The following CACNA2D3 variants were observed in gnomAD, a reference collection of about 807,000 sequenced individuals.
The protein encoded by CACNA2D3 is voltage-dependent calcium channel subunit alpha-2/delta-3.
In CACNA2D3, 60 loss-of-function variants were observed where a neutral mutation model predicts 160.6. That is an observed-to-expected ratio of 0.37 (90% confidence interval 0.30 to 0.46). The LOEUF (loss-of-function observed/expected upper bound fraction) is 0.46, where lower values mean the gene tolerates loss of function less well. Ranked by LOEUF, CACNA2D3 falls within the 20% of genes least tolerant of loss-of-function variation. CACNA2D3 has a pLI of 1.00. For missense variants in CACNA2D3, 1,205 were observed against 1,365.0 expected (o/e 0.88, Z 1.85); for synonymous variants, 558 against 492.9 (o/e 1.13, Z -1.75).
chr3:54,227,717 G>A (rs1306531935), intron 2 of CACNA2D3, among the ~76,000 whole-genome samples: 4 of 152,106 alleles, frequency 2.6e-5, no homozygotes, highest in Admixed American at 6.5e-5. Context: ...ACTACACCTG[G>A]CTAATTTTTG....
chr3:54,994,120 A>T (rs926839810), intron 31 of CACNA2D3, among the ~76,000 whole-genome samples: 1 of 152,052 alleles, frequency 6.6e-6, no homozygotes, highest in Non-Finnish European at 1.5e-5. Flanking sequence ...AGCTTCTGCT[A>T]TTTAAATCAC....
intron 2 of CACNA2D3, among the ~76,000 whole-genome samples, chr3:54,290,798 C>G (rs910598319): frequency 2.0e-5 from 3 of 152,030 alleles, no homozygotes; most frequent in African/African-American, 7.3e-5. Flanking sequence ...TCTCAGCAAA[C>G]TATCGCAAGG....
At chr3:54,922,827 C>G (rs1475788070) in intron 27 of CACNA2D3, among the ~76,000 whole-genome samples, 4 of 152,184 alleles carry the variant, frequency 2.6e-5, no homozygotes, top group Admixed American at 1.3e-4. Context: ...TCACTCCCCC[C>G]AGTCCCCTCT....
intron 3 of CACNA2D3, among the ~76,000 whole-genome samples, chr3:54,361,462 C>T (rs766063538): frequency 4.1e-4 from 63 of 152,234 alleles, no homozygotes; most frequent in Non-Finnish European, 8.4e-4. Flanking sequence ...TGAGCATATC[C>T]ACTTTAGTTT....
intron 2 of CACNA2D3, among the ~76,000 whole-genome samples, chr3:54,294,742 G>GA (rs1249238156): frequency 2.6e-5 from 4 of 151,880 alleles, no homozygotes; most frequent in East Asian, 1.9e-4. Context: ...CTAGTTTAGG[G>GA]AAAAAAAATA....
At chr3:54,133,365 C>T (rs1261396872) in intron 2 of CACNA2D3, among the ~76,000 whole-genome samples, 3 of 152,182 alleles carry the variant, frequency 2.0e-5, no homozygotes, top group Non-Finnish European at 4.4e-5. Context: ...GTGGCAAAGG[C>T]AGACTCTGAG....
chr3:55,031,493 C>G (rs1031227490), intron 35 of CACNA2D3, among the ~76,000 whole-genome samples: 5 of 152,302 alleles, frequency 3.3e-5, no homozygotes, highest in African/African-American at 1.2e-4. Flanking sequence ...TACAAAGTTT[C>G]TAGACCCAAA....
intron 14 of CACNA2D3, among the ~76,000 whole-genome samples, chr3:54,821,693 T>TTCC (rs1559594966): frequency 0.05 from 1,800 of 36,030 alleles, 39 homozygotes; most frequent in East Asian, 0.11. Context: ...TCTTTCTTTC[T>TTCC]TTCTTTCCTT....
At chr3:55,007,672 T>C in intron 32 of CACNA2D3, 118 bp from the exon 33 acceptor site, 1 of 668,048 alleles carries the variant, frequency 1.5e-6, no homozygotes, top group Non-Finnish European at 2.5e-6. Context: ...GCCACTGTTT[T>C]TTAACATGAT....
chr3:54,313,431 C>T (rs754238444), intron 2 of CACNA2D3, among the ~76,000 whole-genome samples: 1 of 152,128 alleles, frequency 6.6e-6, no homozygotes, highest in Non-Finnish European at 1.5e-5. Flanking sequence ...TTCAAAAGTA[C>T]AGACCTGATC....
chr3:54,996,871 A>G (rs1465430978), intron 31 of CACNA2D3, among the ~76,000 whole-genome samples: 3 of 152,220 alleles, frequency 2.0e-5, no homozygotes, highest in Non-Finnish European at 4.4e-5. Context: ...TGTCCTTTGC[A>G]GGGACATGGA....
chr3:54,287,132 C>G (rs1181723102), intron 2 of CACNA2D3, among the ~76,000 whole-genome samples: 2 of 151,778 alleles, frequency 1.3e-5, no homozygotes, highest in Non-Finnish European at 2.9e-5. Flanking sequence ...CACAGACTGG[C>G]AAATTGGATA....
intron 17 of CACNA2D3, among the ~76,000 whole-genome samples, chr3:54,849,102 G>A (rs151212507): frequency 9.0e-4 from 137 of 152,316 alleles, no homozygotes; most frequent in African/African-American, 3.2e-3. Flanking sequence ...AAGGGATCGT[G>A]TACATACACC....
intron 2 of CACNA2D3, among the ~76,000 whole-genome samples, chr3:54,205,969 G>A (rs1701268929): frequency 6.6e-6 from 1 of 152,242 alleles, no homozygotes; most frequent in African/African-American, 2.4e-5. Flanking sequence ...AATATATCTG[G>A]TGTTTATTTG....
In CACNA2D3 at chr3:54,333,540, C is replaced by T. The variant is rs138973450; in HGVS notation, c.321+12982C>T. Among the ~76,000 whole-genome samples the T allele has an allele frequency of 5.3e-3, 799 of 152,052 alleles. 8 individuals are homozygous for T. Among genetic ancestry groups the T allele is most frequent in the African/African-American group, 0.018 (737 of 41,472 alleles). ...TGCCCTGAGATGGCTCCTTTGTTGC[C>T]TGTTCCTCTCTTCCAGCCAAATGCG... On this transcript the variant is annotated intron_variant, in intron 3 of 37. Transcript: ENST00000474759.
At chr3:54,968,137 C>G (rs1466479111) in intron 27 of CACNA2D3, among the ~76,000 whole-genome samples, 3 of 151,392 alleles carry the variant, frequency 2.0e-5, no homozygotes, top group Non-Finnish European at 4.4e-5. Flanking sequence ...TTTCTTTCCT[C>G]TTCTCAGCTT....
chr3:54,684,248 C>T (rs1387527756), intron 11 of CACNA2D3, among the ~76,000 whole-genome samples: 1 of 152,122 alleles, frequency 6.6e-6, no homozygotes, highest in African/African-American at 2.4e-5. Context: ...CTGTAAGCCA[C>T]CACGCCTGGC....
At chr3:54,770,465 A>G (rs1344514673) in intron 13 of CACNA2D3, among the ~76,000 whole-genome samples, 1 of 152,258 alleles carries the variant, frequency 6.6e-6, no homozygotes. Context: ...TTCACATTGA[A>G]AATCAGTCAG....
intron 13 of CACNA2D3, among the ~76,000 whole-genome samples, chr3:54,803,896 ATATTCAACATTCT>A (rs1350833124): frequency 6.6e-6 from 1 of 152,234 alleles, no homozygotes; most frequent in African/African-American, 2.4e-5. Context: ...GTGGGGGCCA[ATATTCAACATTCT>A]TAAAGAAAAG....
Sources: gnomAD v4.1 joint callset for allele counts (sites outside exome capture counted in the v4.1 genomes callset) on GRCh38, gnomAD v4.1.1 for gene constraint, MANE v1.5 for transcripts, NCBI Gene and HGNC (gene_info 2026-07-23, HGNC 2026-07-21) for gene names.